Variants in SLC14A2 observed in about 807,000 individuals in gnomAD.
SLC14A2 encodes solute carrier family 14 member 2, also known as urea transporter 2.
In SLC14A2, 91 loss-of-function variants were observed where a neutral mutation model predicts 104.6. The ratio of observed to expected loss-of-function variants is 0.87; its 90% CI spans 0.73 to 1.04. The LOEUF (loss-of-function observed/expected upper bound fraction) is 1.04, where lower values mean the gene tolerates loss of function less well. Among genes scored for constraint, SLC14A2 ranks in the 50% least tolerant of loss-of-function variants. The probability of loss-of-function intolerance (pLI) is 0.00; values close to 1 mark genes in which losing one functional copy is unlikely to be tolerated. For missense variants in SLC14A2, 1,189 were observed against 1,156.0 expected (o/e 1.03, Z -0.41); for synonymous variants, 476 against 466.4 (o/e 1.02, Z -0.27).
chr18:45,364,987 G>C (rs1175629520), intron 1 of SLC14A2, among the ~76,000 whole-genome samples: 5 of 152,120 alleles, frequency 3.3e-5, no homozygotes, highest in African/African-American at 9.7e-5. Context: ...GATTTTGGGG[G>C]GTCATAGAAT....
chr18:45,578,486 C>T (rs1416330651), intron 2 of SLC14A2, among the ~76,000 whole-genome samples: 2 of 152,162 alleles, frequency 1.3e-5, no homozygotes, highest in African/African-American at 2.4e-5. Flanking sequence ...TGTCGAACTG[C>T]GTTGATCCAG....
At chr18:45,446,407 T>A (rs979208306) in intron 1 of SLC14A2, among the ~76,000 whole-genome samples, 1 of 152,096 alleles carries the variant, frequency 6.6e-6, no homozygotes, top group East Asian at 1.9e-4. Context: ...TTCCACCACA[T>A]AAGAACACAG....
At chr18:45,501,043 C>T (rs1388801149) in intron 2 of SLC14A2, among the ~76,000 whole-genome samples, 10 of 152,184 alleles carry the variant, frequency 6.6e-5, no homozygotes, top group Non-Finnish European at 1.2e-4. Context: ...CATTACTGAG[C>T]TAAGGACATT....
chr18:45,594,770 G>T (rs989478833), intron 2 of SLC14A2, among the ~76,000 whole-genome samples: 1 of 152,166 alleles, frequency 6.6e-6, no homozygotes, highest in Non-Finnish European at 1.5e-5. Context: ...TTGGAAACAA[G>T]TCAGAACTCT....
At chr18:45,433,021 C>T (rs2086541533) in intron 1 of SLC14A2, among the ~76,000 whole-genome samples, 1 of 152,144 alleles carries the variant, frequency 6.6e-6, no homozygotes, top group South Asian at 2.1e-4. Flanking sequence ...AAATTCTCCT[C>T]ATCCTTCCCT....
chr18:45,393,115 C>T (rs542581729), intron 1 of SLC14A2, among the ~76,000 whole-genome samples: 1 of 152,202 alleles, frequency 6.6e-6, no homozygotes, highest in East Asian at 1.9e-4. Flanking sequence ...GAAAAGTCTC[C>T]AGTAGAGTTC....
the SLC14A2 span, among the ~76,000 whole-genome samples, chr18:45,190,385 C>T: frequency 4.6e-5 from 7 of 152,108 alleles, no homozygotes; most frequent in South Asian, 1.5e-3. Context: ...ATTTACAAAT[C>T]CTGCTTTAGA....
the SLC14A2 span, chr18:45,181,206 C>CGGA: frequency 6.6e-6 from 1 of 152,322 alleles, no homozygotes; most frequent in African/African-American, 2.4e-5. Context: ...GTCTGTATGT[C>CGGA]CGTAGGGCTT....
At chr18:45,246,163 G>A (rs56812841) in intron 1 of SLC14A2, among the ~76,000 whole-genome samples, 4,656 of 152,200 alleles carry the variant, frequency 0.031, 196 homozygotes, top group African/African-American at 0.093. Flanking sequence ...AAAAGAGGAA[G>A]AGACACCAGG....
chr18:45,581,232 G>A lies in SLC14A2; in HGVS notation c.-34-43399G>A, dbSNP rs114970563. 8.9e-4 allele frequency among the ~76,000 whole-genome samples: 136 copies of A among 152,322 alleles called. 1 individual carries two copies. Among genetic ancestry groups the A allele is most frequent in the African/African-American group, 3.0e-3 (124 of 41,578 alleles). Reference sequence around the variant, plus strand: ...GAGGGCAGAGGGGTGTGGGCCCAGCGATGAGGGCATCTCATGGACGTGGGC... The same window carrying A: ...GAGGGCAGAGGGGTGTGGGCCCAGCAATGAGGGCATCTCATGGACGTGGGC... On this transcript the variant is annotated intron_variant, in intron 2 of 20. Transcript: ENST00000586448.
At chr18:45,619,732 G>T (rs1340942767) in intron 1 of SLC14A2, among the ~76,000 whole-genome samples, 2 of 152,102 alleles carry the variant, frequency 1.3e-5, no homozygotes, top group African/African-American at 4.8e-5. Flanking sequence ...TTCACATCCA[G>T]TTCTAACAAG....
rs542030347 is a variant in SLC14A2, at chr18:45,505,678, C to G, written c.-35+22356C>G. ...GTCCCTTCCAGTAGTCCTCGGCCCCCCGAGCACCCACACCACGTGAGAACT... is the reference window on the plus strand; with the variant it reads ...GTCCCTTCCAGTAGTCCTCGGCCCCGCGAGCACCCACACCACGTGAGAACT... On this transcript the variant is annotated intron_variant, in intron 2 of 20. Transcript: ENST00000586448. Among the ~76,000 whole-genome samples the G allele has an allele frequency of 2.6e-5, 4 of 151,726 alleles. No homozygotes were observed. The South Asian group carries it at 8.4e-4, about 32-fold the overall frequency.
rs189582236 is a variant in SLC14A2, at chr18:45,597,561, G to A, written c.-34-27070G>A. ...GAAAGTTGGGGGATGAAGGCAGGAG[G>A]TAAAAGATGATATCAGAGAAGTGGC... On this transcript the variant is annotated intron_variant, in intron 2 of 20. Transcript: ENST00000586448. 2.8e-3 allele frequency among the ~76,000 whole-genome samples: 424 copies of A among 152,286 alleles called. 3 individuals carry two copies. Among genetic ancestry groups the A allele is most frequent in the African/African-American group, 9.6e-3 (398 of 41,548 alleles).
intron 1 of SLC14A2, among the ~76,000 whole-genome samples, chr18:45,234,094 TTGAAAAATTA>T: frequency 6.6e-6 from 1 of 152,162 alleles, no homozygotes; most frequent in African/African-American, 2.4e-5. Context: ...TTCTTCCTGT[TTGAAAAATTA>T]AGAAAAATTA....
At chr18:45,537,224 C>T (rs1370210072) in intron 2 of SLC14A2, among the ~76,000 whole-genome samples, 2 of 151,988 alleles carry the variant, frequency 1.3e-5, no homozygotes, top group African/African-American at 4.8e-5. Context: ...GAGCTGCTTA[C>T]ATACCAGCAG....
At chr18:45,206,216 C>T in the SLC14A2 span, among the ~76,000 whole-genome samples, 1 of 152,002 alleles carries the variant, frequency 6.6e-6, no homozygotes, top group Non-Finnish European at 1.5e-5. Context: ...TCCATGTAGC[C>T]CCTGTAGCTC....
chr18:45,676,949 A>T (rs2046237741), intron 18 of SLC14A2, among the ~76,000 whole-genome samples: 1 of 152,240 alleles, frequency 6.6e-6, no homozygotes, highest in Non-Finnish European at 1.5e-5. Flanking sequence ...ATCCAAGCCC[A>T]GAACAGTTAG....
intron 1 of SLC14A2, among the ~76,000 whole-genome samples, chr18:45,616,152 C>T (rs2045068375): frequency 6.6e-6 from 1 of 152,188 alleles, no homozygotes; most frequent in Admixed American, 6.5e-5. Flanking sequence ...AGATTGAGAA[C>T]AGTTGCTATC....
intron 2 of SLC14A2, among the ~76,000 whole-genome samples, chr18:45,520,804 C>CGG (rs1184262063): frequency 3.9e-5 from 6 of 152,142 alleles, no homozygotes; most frequent in Non-Finnish European, 7.4e-5. Context: ...AACAATCTAT[C>CGG]TAATTTGTGG....
Sources: gnomAD v4.1 joint callset for allele counts (sites outside exome capture counted in the v4.1 genomes callset) on GRCh38, gnomAD v4.1.1 for gene constraint, MANE v1.5 for transcripts, NCBI Gene and HGNC (gene_info 2026-07-23, HGNC 2026-07-21) for gene names.